The following NEDD9 variants were observed in gnomAD, a reference collection of about 807,000 sequenced individuals.
The protein encoded by NEDD9 is neural precursor cell expressed, developmentally down-regulated 9.
A neutral mutation model predicts 76.6 loss-of-function variants in NEDD9; 26 were observed. That is an observed-to-expected ratio of 0.34 (90% CI 0.25 to 0.47). The LOEUF (loss-of-function observed/expected upper bound fraction) is 0.47, where lower values mean the gene tolerates loss of function less well. Ranked by LOEUF, NEDD9 falls within the 20% of genes least tolerant of loss-of-function variation. The pLI, the probability that NEDD9 is intolerant of heterozygous loss-of-function variation, is 1.00. For missense variants in NEDD9, 937 were observed against 1,058.5 expected (o/e 0.89, Z 1.59); for synonymous variants, 392 against 414.2 (o/e 0.95, Z 0.65).
intron 2 of NEDD9, among the ~76,000 whole-genome samples, chr6:11,323,775 T>A (rs1157547817): frequency 6.6e-6 from 1 of 152,210 alleles, no homozygotes; most frequent in Non-Finnish European, 1.5e-5. Context: ...TTGCAAAGTC[T>A]CCCAGTTGCA....
At chr6:11,189,065 G>A (rs1758056978) in intron 5 of NEDD9, among the ~76,000 whole-genome samples, 1 of 151,788 alleles carries the variant, frequency 6.6e-6, no homozygotes, top group South Asian at 2.1e-4. Context: ...TTCTGCCTCG[G>A]CCTCCCAAGT....
chr6:11,261,312 G>A (rs956385535), intron 3 of NEDD9, among the ~76,000 whole-genome samples: 2 of 152,066 alleles, frequency 1.3e-5, no homozygotes, highest in Admixed American at 6.5e-5. Flanking sequence ...TTTCTATATG[G>A]CAAAACTGAG....
Position 11,188,220 on chromosome 6 carries a change from G to A in NEDD9, c.1993C>T (p.Gln665Ter), listed in dbSNP as rs746813825. Residue 665 changes from glutamine (Q) to a stop codon, truncating the protein, a stop_gained and splice_region_variant, in exon 6 of 7, where the codon CAG (glutamine) becomes TAG (stop). Transcript: ENST00000379446. LOFTEE classifies it high-confidence loss of function. ...GTTTTTGCTCTGATTGAACTTACCT[G>A]ATGATGTTCCAGCTGCATCTTGTTC... is the stretch of plus-strand genomic sequence containing the variant. Reference protein sequence around the residue: ...KQNKMQLEHHQLSQFQLLEQE... With the variant: ...KQNKMQLEHH 6.2e-7 allele frequency: 1 copy of A among 1,613,550 alleles called. No homozygotes were observed. Among genetic ancestry groups the A allele is most frequent in the Non-Finnish European group, 8.5e-7 (1 of 1,179,590 alleles).
intron 1 of NEDD9, among the ~76,000 whole-genome samples, chr6:11,369,880 G>T (rs931749685): frequency 1.3e-5 from 2 of 152,198 alleles, no homozygotes; most frequent in African/African-American, 2.4e-5. Context: ...TTTGGATTGT[G>T]TTCATGTTTT....
chr6:11,213,221 C>G lies in NEDD9; in HGVS notation c.459+60G>C. The G allele has an allele frequency of 2.1e-6, 3 of 1,457,314 alleles. No individual in the cohort carries two copies. 90.3% of individuals were successfully genotyped at this position (1,457,314 alleles called of 1,614,324 possible). A position where few individuals can be genotyped will look rare whatever the true frequency, so the allele number is the denominator to read the frequency against. The stretch of plus-strand genomic sequence containing the variant: ...TAATTTGGGAACATTTCCAAATGCT[C>G]CAAGTGTAATGGGAAAAAAAAATAA... On this transcript the variant is annotated intron_variant, in intron 2 of 6. Coordinates refer to ENST00000379446, the MANE Select transcript of NEDD9 (RefSeq NM_006403.4). This position sits in a 1 kb window ranked among gnomAD's most constrained non-coding sequence, Gnocchi z 5.4.
At chr6:11,214,614 A>G (rs1177290784) in intron 1 of NEDD9, among the ~76,000 whole-genome samples, 1 of 152,252 alleles carries the variant, frequency 6.6e-6, no homozygotes, top group African/African-American at 2.4e-5. Flanking sequence ...GGCATTCAGC[A>G]GAGAGTGGGC....
intron 1 of NEDD9, among the ~76,000 whole-genome samples, chr6:11,358,046 G>A (rs868385824): frequency 1.3e-5 from 2 of 152,038 alleles, no homozygotes; most frequent in Non-Finnish European, 2.9e-5. Flanking sequence ...TCAGGAGATC[G>A]AGATCATCCT....
chr6:11,200,719 C>A, intron 2 of NEDD9: 1 of 1,320,526 alleles, frequency 7.6e-7, no homozygotes, highest in South Asian at 1.9e-5. Context: ...CAAACCAAAG[C>A]AGCAAATGGT....
At chr6:11,357,001 G>GC (rs1226541635) in intron 1 of NEDD9, among the ~76,000 whole-genome samples, 1 of 152,096 alleles carries the variant, frequency 6.6e-6, no homozygotes, top group African/African-American at 2.4e-5. Flanking sequence ...GGTGACTGAG[G>GC]CCTTCTGTTC....
chr6:11,204,339 A>G lies in NEDD9; in HGVS notation c.459+8942T>C, dbSNP rs142724734. On this transcript the variant is annotated intron_variant, in intron 2 of 6. Coordinates refer to ENST00000379446, the MANE Select transcript of NEDD9 (RefSeq NM_006403.4). ...GTTACTTCCTTATATGAGAGCCACA[A>G]CTTGAAAGCTGGGTAACTTGTGTTT... is the stretch of plus-strand genomic sequence containing the variant. Among the ~76,000 whole-genome samples, 903 of 152,322 alleles carry G rather than the reference A, an allele frequency of 5.9e-3. 4 individuals are homozygous for G. The highest frequency in any genetic ancestry group is 0.021 in the African/African-American group (855 of 41,562).
At chr6:11,268,184 CG>C (rs1365624229) in intron 3 of NEDD9, among the ~76,000 whole-genome samples, 1 of 152,102 alleles carries the variant, frequency 6.6e-6, no homozygotes, top group Non-Finnish European at 1.5e-5. Context: ...CATGCGCCAC[CG>C]AGACTGCATA....
upstream of NEDD9, chr6:11,232,784 A>C: frequency 3.4e-6 from 4 of 1,177,566 alleles, no homozygotes; most frequent in South Asian, 3.6e-5. Context: ...ATTCTGAAAA[A>C]CTGACAAAGA....
rs1762860695 is a variant in NEDD9, at chr6:11,370,778, C to T, written c.-214+11361G>A. On this transcript the variant is annotated intron_variant, in intron 1 of 3. Coordinates refer to the NEDD9 transcript ENST00000397378. This position sits in a 1 kb window ranked among gnomAD's most constrained non-coding sequence, Gnocchi z 4.2. ...ACACAGCAGGGGACAAAATAACGTC[C>T]TTCACCCACCCACGGAGCCAACGGT... 6.6e-6 allele frequency among the ~76,000 whole-genome samples: 1 copy of T among 152,242 alleles called. No homozygotes were observed. The highest frequency in any genetic ancestry group is 2.4e-5 in the African/African-American group (1 of 41,460).
At chr6:11,273,858 G>T (rs1760363366) in intron 3 of NEDD9, among the ~76,000 whole-genome samples, 1 of 152,186 alleles carries the variant, frequency 6.6e-6, no homozygotes, top group Non-Finnish European at 1.5e-5. Flanking sequence ...CAGGTACTTT[G>T]ACGTACTCTG....
intron 1 of NEDD9, among the ~76,000 whole-genome samples, chr6:11,362,146 G>T (rs1373254526): frequency 6.6e-6 from 1 of 152,218 alleles, no homozygotes; most frequent in African/African-American, 2.4e-5. Flanking sequence ...AATGGATGTA[G>T]TGCCGTTATG....
intron 1 of NEDD9, among the ~76,000 whole-genome samples, chr6:11,225,743 C>T (rs371160694): frequency 5.4e-4 from 82 of 151,300 alleles, no homozygotes; most frequent in African/African-American, 1.8e-3. Context: ...CCTCGTGATC[C>T]GCCTGCCTCG....
At chr6:11,237,639 T>C (rs1218768650), upstream of NEDD9, among the ~76,000 whole-genome samples, 2 of 151,800 alleles carry the variant, frequency 1.3e-5, no homozygotes, top group East Asian at 1.9e-4. This position sits in a 1 kb window ranked among gnomAD's most constrained non-coding sequence, Gnocchi z 4.9. Context: ...TAAAATTTTA[T>C]TGGAACACAG....
At chr6:11,261,776 C>A (rs948781491) in intron 3 of NEDD9, among the ~76,000 whole-genome samples, 3 of 150,196 alleles carry the variant, frequency 2.0e-5, no homozygotes, top group Admixed American at 1.3e-4. Flanking sequence ...TTTCTCTCTT[C>A]CCCTTGTTTT....
At chr6:11,279,675 A>G (rs1760493127) in intron 3 of NEDD9, among the ~76,000 whole-genome samples, 1 of 152,116 alleles carries the variant, frequency 6.6e-6, no homozygotes, top group South Asian at 2.1e-4. Context: ...GGCTCGCAGG[A>G]TATCAAGGGT....
Sources: allele counts gnomAD v4.1 joint callset (sites outside exome capture counted in the v4.1 genomes callset), GRCh38; gene constraint gnomAD v4.1.1; non-coding constraint Gnocchi (gnomAD v3.1); transcripts MANE v1.5; gene names NCBI Gene and HGNC (gene_info 2026-07-23, HGNC 2026-07-21).